The following EIF4G3 variants were observed in gnomAD, a reference collection of about 807,000 sequenced individuals.
EIF4G3 encodes the protein eIF-4-gamma 3.
In EIF4G3, 34 loss-of-function variants were observed where a neutral mutation model predicts 186.4. The ratio of observed to expected loss-of-function variants is 0.18; its 90% CI spans 0.14 to 0.24. The LOEUF (loss-of-function observed/expected upper bound fraction) is 0.24. Ranked by LOEUF, EIF4G3 falls within the 10% of genes least tolerant of loss-of-function variation. EIF4G3 has a pLI of 1.00. For synonymous variants in EIF4G3, 673 were observed against 679.5 expected, an observed-to-expected ratio of 0.99 and a Z score of 0.15; for missense variants, 1,536 against 1,948.5, an observed-to-expected ratio of 0.79 and a Z score of 3.99.
chr1:20,863,768 AGAG>A (rs796552742), intron 22 of EIF4G3, among the ~76,000 whole-genome samples: 629 of 38,784 alleles, frequency 0.016, 5 homozygotes, highest in African/African-American at 0.036. Context: ...AAAAAAAAAA[AGAG>A]AGAGAGAGAG....
chr1:21,098,540 G>GAAAAAAAAA (rs59544256), intron 2 of EIF4G3, among the ~76,000 whole-genome samples: 1 of 72,718 alleles, frequency 1.4e-5, no homozygotes, highest in Admixed American at 2.0e-4. Context: ...GCCCTGTCTC[G>GAAAAAAAAA]AAAAAAAAAA....
At chr1:20,842,994 C>G (rs1207231654) in intron 29 of EIF4G3, among the ~76,000 whole-genome samples, 3 of 151,938 alleles carry the variant, frequency 2.0e-5, no homozygotes, top group Non-Finnish European at 4.4e-5. Context: ...ACAGGCATGC[C>G]ACCATGCCCG....
intron 12 of EIF4G3, among the ~76,000 whole-genome samples, chr1:20,959,889 T>C (rs947606749): frequency 6.6e-6 from 1 of 152,082 alleles, no homozygotes; most frequent in Non-Finnish European, 1.5e-5. Flanking sequence ...CAATAGATGC[T>C]GGCATGGATA....
intron 3 of EIF4G3, among the ~76,000 whole-genome samples, chr1:21,085,547 C>T (rs537377766): frequency 2.6e-5 from 4 of 152,078 alleles, no homozygotes; most frequent in East Asian, 3.9e-4. Context: ...ATTACAGGCT[C>T]GCACCACCAT....
chr1:21,100,720 C>T (rs567410080), intron 2 of EIF4G3, among the ~76,000 whole-genome samples: 5 of 149,942 alleles, frequency 3.3e-5, no homozygotes, highest in Admixed American at 3.3e-4. Context: ...CCATCTCTTA[C>T]AAAAAAAAAG....
chr1:21,074,869 G>A (rs1327185866), intron 3 of EIF4G3, among the ~76,000 whole-genome samples: 10 of 152,284 alleles, frequency 6.6e-5, no homozygotes, highest in Admixed American at 6.5e-4. Flanking sequence ...GAGCCCAGGA[G>A]TTCGAGACCA....
At chr1:21,099,123 T>C (rs2101737341) in intron 2 of EIF4G3, among the ~76,000 whole-genome samples, 1 of 152,066 alleles carries the variant, frequency 6.6e-6, no homozygotes, top group East Asian at 1.9e-4. Context: ...CAATAATGAG[T>C]GCTGATAAGG....
intron 2 of EIF4G3, among the ~76,000 whole-genome samples, chr1:21,094,436 C>G (rs1315349010): frequency 6.6e-6 from 1 of 151,912 alleles, no homozygotes; most frequent in Non-Finnish European, 1.5e-5. Flanking sequence ...GAATACTATG[C>G]AGCCATAAAA....
intron 14 of EIF4G3, among the ~76,000 whole-genome samples, chr1:20,934,204 A>ATT (rs1333943482): frequency 1.9e-4 from 29 of 152,334 alleles, no homozygotes; most frequent in Admixed American, 4.6e-4. Flanking sequence ...TCTACTGATG[A>ATT]CCCTGCTGAG....
intron 4 of EIF4G3, among the ~76,000 whole-genome samples, chr1:21,016,482 T>C (rs560715543): frequency 2.6e-5 from 4 of 152,102 alleles, no homozygotes; most frequent in Non-Finnish European, 5.9e-5. Context: ...GCCCAGGAAT[T>C]GGAGACCAAC....
At chr1:20,925,110 T>C (rs1396311780) in intron 14 of EIF4G3, among the ~76,000 whole-genome samples, 1 of 152,238 alleles carries the variant, frequency 6.6e-6, no homozygotes, top group Non-Finnish European at 1.5e-5. Flanking sequence ...CACATATATG[T>C]GTGCATTATA....
At chr1:20,919,290 C>T (rs1327406321) in intron 14 of EIF4G3, among the ~76,000 whole-genome samples, 1 of 152,164 alleles carries the variant, frequency 6.6e-6, no homozygotes, top group Admixed American at 6.5e-5. Flanking sequence ...CAGACTGCAG[C>T]TTCAACTTCC....
intron 30 of EIF4G3, among the ~76,000 whole-genome samples, chr1:20,833,640 T>G (rs1237234232): frequency 6.6e-6 from 1 of 152,170 alleles, no homozygotes; most frequent in Non-Finnish European, 1.5e-5. Context: ...CTTCCAACAC[T>G]ATGTTGAATA....
intron 3 of EIF4G3, among the ~76,000 whole-genome samples, chr1:21,079,614 G>C (rs1572200147): frequency 6.6e-6 from 1 of 151,242 alleles, no homozygotes; most frequent in African/African-American, 2.4e-5. Flanking sequence ...AGCCTAAAAG[G>C]TTGAGGCTGC....
intron 4 of EIF4G3, among the ~76,000 whole-genome samples, chr1:21,033,712 C>A (rs1028356561): frequency 6.6e-6 from 1 of 152,152 alleles, no homozygotes; most frequent in Admixed American, 6.5e-5. Context: ...ACTGAAAATT[C>A]TTTTCCACAG....
intron 14 of EIF4G3, among the ~76,000 whole-genome samples, chr1:20,917,365 G>C (rs1457326623): frequency 6.6e-6 from 1 of 152,214 alleles, no homozygotes; most frequent in Non-Finnish European, 1.5e-5. Flanking sequence ...AAATTAGCCA[G>C]ACATTGTAGT....
Position 20,904,966 on chromosome 1 carries a change from T to C in EIF4G3, c.1669A>G (p.Ile557Val), listed in dbSNP as rs752945777. 6.2e-7 allele frequency: 1 copy of C among 1,613,090 alleles called. No homozygotes were observed. Among genetic ancestry groups the C allele is most frequent in the Non-Finnish European group, 8.5e-7 (1 of 1,179,508 alleles). Residue 557 changes from isoleucine (I) to valine (V), a missense_variant, in exon 15 of 37, where the codon ATA becomes GTA. Around this residue, in one of 11 missense-constraint regions of EIF4G3, gnomAD observed 560 missense variants for 547.8 expected, o/e 1.02. Transcript: ENST00000602326. ...NSRRSPVPAQ[I>V]AITVPKTWKK... ...CATGTCTTTGGTACAGTTATAGCTA[T>C]TTGAGCTGAAATACAAGATCAGGCC... is the stretch of plus-strand genomic sequence containing the variant.
chr1:20,948,402 G>T (rs2096062579), intron 13 of EIF4G3, among the ~76,000 whole-genome samples: 1 of 152,152 alleles, frequency 6.6e-6, no homozygotes, highest in South Asian at 2.1e-4. Flanking sequence ...TCTTGACAGT[G>T]CAGTTTTTTG....
intron 10 of EIF4G3, among the ~76,000 whole-genome samples, chr1:20,980,079 T>C (rs920511020): frequency 1.3e-5 from 2 of 151,976 alleles, no homozygotes; most frequent in African/African-American, 2.4e-5. Flanking sequence ...CATGTGCCAG[T>C]AGGTCCAGCT....
Sources: allele counts gnomAD v4.1 joint callset (sites outside exome capture counted in the v4.1 genomes callset), GRCh38; gene constraint gnomAD v4.1.1; regional missense constraint gnomAD v4.1.1; transcripts MANE v1.5; gene names NCBI Gene and HGNC (gene_info 2026-07-23, HGNC 2026-07-21).